Variants in AGAP3 observed in about 807,000 individuals in gnomAD.
AGAP3 encodes the protein arf-GAP with GTPase, ANK repeat and PH domain-containing protein 3.
AGAP3 carries 24 observed loss-of-function variants against 96.9 expected under a neutral mutation model. The observed-to-expected ratio is 0.25, with a 90% confidence interval of 0.18 to 0.35. The LOEUF (loss-of-function observed/expected upper bound fraction) is 0.35, where lower values mean the gene tolerates loss of function less well. Ranked by LOEUF, AGAP3 falls within the 10% of genes least tolerant of loss-of-function variation. The probability of loss-of-function intolerance (pLI) is 1.00; values close to 1 mark genes in which losing one functional copy is unlikely to be tolerated. For missense variants in AGAP3, 876 were observed against 1,254.2 expected, an observed-to-expected ratio of 0.70 and a Z score of 4.55; for synonymous variants, 563 against 536.1, an observed-to-expected ratio of 1.05 and a Z score of -0.69.
intron 1 of AGAP3, among the ~76,000 whole-genome samples, chr7:151,116,087 C>T (rs915445624): frequency 6.6e-6 from 1 of 152,182 alleles, no homozygotes; most frequent in African/African-American, 2.4e-5. Context: ...AGCCCGAGCA[C>T]CCATGTGGAA....
At position 151,140,794 on chromosome 7, in the gene AGAP3, G is replaced by C. The variant is rs1040869616; in HGVS notation, c.1804+678G>C. 1 of 152,106 alleles carries C rather than the reference G, an allele frequency of 6.6e-6. No homozygotes were observed. Among genetic ancestry groups the C allele is most frequent in the African/African-American group, 2.4e-5 (1 of 41,406 alleles). The allele number at this position is 152,106 out of a possible 1,614,324, so 9.4% of individuals were successfully genotyped here. On this transcript the variant is annotated intron_variant, in intron 13 of 17. Transcript: ENST00000397238. The surrounding 1 kb of genome is among the most constrained non-coding windows in gnomAD (Gnocchi z 5.4). The stretch of plus-strand genomic sequence containing the variant: ...AGTGATGCTTAGTACTTACAGCGTG[G>C]GGTCTCCCTTCTGGTCCGGCAGACT...
intron 8 of AGAP3, among the ~76,000 whole-genome samples, 196 bp downstream of exon 8, chr7:151,120,341 A>C (rs1409633951): frequency 6.6e-6 from 1 of 152,116 alleles, no homozygotes; most frequent in African/African-American, 2.4e-5. Context: ...CTCTGCACCC[A>C]CAAGGGGTTT....
At chr7:151,113,993 G>A (rs1425462910) in intron 1 of AGAP3, among the ~76,000 whole-genome samples, 2 of 152,168 alleles carry the variant, frequency 1.3e-5, no homozygotes, top group African/African-American at 4.8e-5. Flanking sequence ...GGAGAGGTCC[G>A]GGCCTCAGAA....
At position 151,114,818 on chromosome 7, in the gene AGAP3, C is replaced by A; in HGVS notation, c.332-1975C>A. 1 of 1,055,032 alleles carries A rather than the reference C, an allele frequency of 9.5e-7. No homozygotes were observed. The highest frequency in any genetic ancestry group is 3.4e-5 in the South Asian group (1 of 29,234). The allele number at this position is 1,055,032 out of a possible 1,614,324, so 65.4% of individuals were successfully genotyped here. On this transcript the variant is annotated intron_variant, in intron 1 of 17. Coordinates refer to ENST00000397238, the MANE Select transcript of AGAP3 (RefSeq NM_031946.7). The surrounding 1 kb of genome is among the most constrained non-coding windows in gnomAD (Gnocchi z 4.4). ...GGGACAGCTGTCCCGGGGAGCGGCCCGCCGCTTGCCGCCGCGCCCACAGCG... is the reference window on the plus strand; with the variant it reads ...GGGACAGCTGTCCCGGGGAGCGGCCAGCCGCTTGCCGCCGCGCCCACAGCG...
intron 8 of AGAP3, chr7:151,120,822 G>A: frequency 8.6e-7 from 1 of 1,164,130 alleles, no homozygotes; most frequent in Non-Finnish European, 1.1e-6. Context: ...CTGTTGTGCT[G>A]GCCCGGCTGA....
At chr7:151,119,304 C>T in intron 7 of AGAP3, 1 of 159,060 alleles carries the variant, frequency 6.3e-6, no homozygotes, top group Non-Finnish European at 1.4e-5. Context: ...CTAGTGAGGG[C>T]AGTTGCGGTG....
In AGAP3 at chr7:151,117,628, T is replaced by A; in HGVS notation, c.565-8T>A. 1 of 1,613,960 alleles carries A rather than the reference T, an allele frequency of 6.2e-7. No homozygotes were observed. The highest frequency in any genetic ancestry group is 8.5e-7 in the Non-Finnish European group (1 of 1,179,872). On this transcript the variant is annotated splice_region_variant and splice_polypyrimidine_tract_variant and intron_variant, in intron 4 of 17. Coordinates refer to ENST00000397238, the MANE Select transcript of AGAP3 (RefSeq NM_031946.7). ...TTGCGGGTGCTAATTTTACTTGCTC[T>A]ACCCTAGTTTGCTGCCTGGGTGGAT...
intron 8 of AGAP3, among the ~76,000 whole-genome samples, chr7:151,122,133 C>G (rs993607576): frequency 2.0e-5 from 3 of 152,208 alleles, no homozygotes; most frequent in Admixed American, 6.5e-5. Context: ...CCCACTCCCC[C>G]CAAACCGGCT....
chr7:151,108,102 C>G lies in AGAP3; in HGVS notation c.332-8691C>G, dbSNP rs1799132534. Among the ~76,000 whole-genome samples, 1 of 152,242 alleles carries G rather than the reference C, an allele frequency of 6.6e-6. No individual in the cohort carries two copies. Among genetic ancestry groups the G allele is most frequent in the South Asian group, 2.1e-4 (1 of 4,836 alleles). ...CCACAGTTGCTGTTGCTGGTCAGAG[C>G]TGGAGTGGCGTCACGGGCACTTCCA... On this transcript the variant is annotated intron_variant, in intron 1 of 17. Coordinates refer to ENST00000397238, the MANE Select transcript of AGAP3 (RefSeq NM_031946.7). This position sits in a 1 kb window ranked among gnomAD's most constrained non-coding sequence, Gnocchi z 4.2.
At position 151,116,798 on chromosome 7, in the gene AGAP3, T is replaced by A; in HGVS notation, c.337T>A (p.Phe113Ile). ...GGCGGCTCTGTCTTCCGCAGACTCGTTTGTGAACAGCCAGGAGTGGACGCT... is the reference window on the plus strand; with the variant it reads ...GGCGGCTCTGTCTTCCGCAGACTCGATTGTGAACAGCCAGGAGTGGACGCT... The part of the protein sequence containing the change: ...REHVISIEDS[F>I]VNSQEWTLSR... The change falls in exon 2 of 18, where the codon TTT becomes ATT. Residue 113 changes from phenylalanine (F) to isoleucine (I), a missense_variant. This residue lies in a region of AGAP3 where 131 missense variants were observed against 304.5 expected (regional missense o/e 0.43). Coordinates refer to ENST00000397238, the MANE Select transcript of AGAP3 (RefSeq NM_031946.7). 6.2e-7 allele frequency: 1 copy of A among 1,614,016 alleles called. No individual in the cohort carries two copies. The highest frequency in any genetic ancestry group is 8.5e-7 in the Non-Finnish European group (1 of 1,179,966).
Position 151,144,077 on chromosome 7 carries a change from G to A in AGAP3, c.*134G>A, listed in dbSNP as rs1284527982. 5 of 955,250 alleles carry A rather than the reference G, an allele frequency of 5.2e-6. No homozygotes were observed. The highest frequency in any genetic ancestry group is 6.2e-6 in the Non-Finnish European group (4 of 649,262). 59.2% of individuals were successfully genotyped at this position (955,250 alleles called of 1,614,324 possible). The stretch of plus-strand genomic sequence containing the variant: ...AGAGGACGAAGCCAAGGAAATTAGG[G>A]AGGAGAGTCAAAGGGATCAAGGAGA... On this transcript the variant is annotated 3_prime_UTR_variant, in exon 18 of 18. Coordinates refer to ENST00000397238, the MANE Select transcript of AGAP3 (RefSeq NM_031946.7).
chr7:151,112,872 G>A (rs955225899), intron 1 of AGAP3, among the ~76,000 whole-genome samples: 2 of 152,112 alleles, frequency 1.3e-5, no homozygotes, highest in African/African-American at 2.4e-5. Context: ...AAAGCGCTGG[G>A]ATTACAGGCG....
Position 151,141,575 on chromosome 7 carries a change from T to C in AGAP3, c.1805-323T>C, listed in dbSNP as rs942457466. ...TCACATCCTTCTCCAGATACTCAGC[T>C]CTTTCTGTGGGATGCACCCCTCTCT... On this transcript the variant is annotated intron_variant, in intron 13 of 17. Transcript: ENST00000397238. The surrounding 1 kb of genome is among the most constrained non-coding windows in gnomAD (Gnocchi z 4.2). 10 of 360,562 alleles carry C rather than the reference T, an allele frequency of 2.8e-5. No individual in the cohort carries two copies. The highest frequency in any genetic ancestry group is 4.2e-5 in the Non-Finnish European group (8 of 192,146). The allele number at this position is 360,562 out of a possible 1,614,324, so 22.3% of individuals were successfully genotyped here. A position where few individuals can be genotyped will look rare whatever the true frequency, so the allele number is the denominator to read the frequency against.
intron 11 of AGAP3, chr7:151,137,710 A>G: frequency 5.7e-6 from 1 of 174,398 alleles, no homozygotes; most frequent in Non-Finnish European, 1.2e-5. Context: ...CTTGAATTTG[A>G]TACACTTATT....
chr7:151,134,482 C>G lies in AGAP3; in HGVS notation c.1409C>G (p.Ala470Gly), dbSNP rs747242279. ...GTGCCAGGGAAGCGCCTGCCCCGAGCCACACCTGCCACAGCCCCGGGCACC... is the reference window on the plus strand; with the variant it reads ...GTGCCAGGGAAGCGCCTGCCCCGAGGCACACCTGCCACAGCCCCGGGCACC... ...VKVPGKRLPRATPATAPGTSP... is the reference protein window; with the variant it reads ...VKVPGKRLPRGTPATAPGTSP... Residue 470 changes from alanine (A) to glycine (G), a missense_variant, in exon 11 of 18, where the codon GCC becomes GGC. Ala to Gly is a moderately conservative substitution (Grantham distance 60). Around this residue, in one of 8 missense-constraint regions of AGAP3, gnomAD observed 63 missense variants for 114.5 expected, o/e 0.55. Coordinates refer to ENST00000397238, the MANE Select transcript of AGAP3 (RefSeq NM_031946.7). 6.2e-7 allele frequency: 1 copy of G among 1,611,762 alleles called. No individual in the cohort carries two copies. The highest frequency in any genetic ancestry group is 1.3e-5 in the African/African-American group (1 of 74,948).
chr7:151,091,076 C>T (rs953150444), intron 1 of AGAP3, among the ~76,000 whole-genome samples: 7 of 152,260 alleles, frequency 4.6e-5, no homozygotes, highest in African/African-American at 1.7e-4. Flanking sequence ...TCCTGGAGGA[C>T]TGGCATGATG....
At position 151,140,016 on chromosome 7, in the gene AGAP3, G is replaced by A; in HGVS notation, c.1704G>A (p.Lys568=). The A allele has an allele frequency of 6.3e-7, 1 of 1,597,848 alleles. No homozygotes were observed. The highest frequency in any genetic ancestry group is 8.5e-7 in the Non-Finnish European group (1 of 1,172,970). The change falls in exon 13 of 18, where the codon AAG becomes AAA. Residue 568 remains lysine, a synonymous_variant. Coordinates refer to ENST00000397238, the MANE Select transcript of AGAP3 (RefSeq NM_031946.7). The surrounding 1 kb of genome is among the most constrained non-coding windows in gnomAD (Gnocchi z 5.4). ...GPAEVLSSSP[K]LDPPPSPHSN... ...CTGAGGTACTCAGTTCCAGCCCCAAGCTGGATCCTCCCCCATCTCCCCACT... is the reference window on the plus strand; with the variant it reads ...CTGAGGTACTCAGTTCCAGCCCCAAACTGGATCCTCCCCCATCTCCCCACT...
In AGAP3 at chr7:151,116,858, G is replaced by A. The variant is rs1488434447; in HGVS notation, c.390+7G>A. 6.2e-7 allele frequency: 1 copy of A among 1,613,936 alleles called. No individual in the cohort carries two copies. Among genetic ancestry groups the A allele is most frequent in the African/African-American group, 1.3e-5 (1 of 75,028 alleles). ...CGTACCGGAGCTTAAAGTGGTGAGT[G>A]TGGCCCATGGGCAGCACCGGCGGCC... is the stretch of plus-strand genomic sequence containing the variant. On this transcript the variant is annotated splice_region_variant and intron_variant, in intron 2 of 17. Coordinates refer to ENST00000397238, the MANE Select transcript of AGAP3 (RefSeq NM_031946.7).
intron 1 of AGAP3, among the ~76,000 whole-genome samples, chr7:151,098,354 G>GGC (rs1397273206): frequency 6.6e-6 from 1 of 151,412 alleles, no homozygotes; most frequent in Non-Finnish European, 1.5e-5. Context: ...GGGAGACCCT[G>GGC]GCACACACAC....
Sources: gnomAD v4.1 joint callset for allele counts (sites outside exome capture counted in the v4.1 genomes callset) on GRCh38, gnomAD v4.1.1 for gene constraint, gnomAD v4.1.1 regional missense constraint, Gnocchi (gnomAD v3.1) non-coding constraint, MANE v1.5 for transcripts, NCBI Gene and HGNC (gene_info 2026-07-23, HGNC 2026-07-21) for gene names.